Variants in MEI1 observed in about 807,000 individuals in gnomAD.
MEI1 encodes the protein meiotic double-stranded break formation protein 1.
A neutral mutation model predicts 146.2 loss-of-function variants in MEI1; 103 were observed. The ratio of observed to expected loss-of-function variants is 0.70; its 90% CI spans 0.60 to 0.83. The LOEUF (loss-of-function observed/expected upper bound fraction) is 0.83. Ranked by LOEUF, MEI1 falls within the 40% of genes least tolerant of loss-of-function variation. The pLI is 0.00. For synonymous variants in MEI1, 652 were observed against 628.2 expected (o/e 1.04, Z -0.57); for missense variants, 1,529 against 1,533.0 (o/e 1.00, Z 0.04).
At chr22:41,726,200 A>G (rs2071340233) in intron 7 of MEI1, among the ~76,000 whole-genome samples, 1 of 152,054 alleles carries the variant, frequency 6.6e-6, no homozygotes, top group Non-Finnish European at 1.5e-5. Flanking sequence ...ATATAGCAAG[A>G]AAAGTTTGTC....
At chr22:41,791,656 T>C (rs2076186965) in intron 26 of MEI1, among the ~76,000 whole-genome samples, 1 of 152,120 alleles carries the variant, frequency 6.6e-6, no homozygotes, top group Non-Finnish European at 1.5e-5. Context: ...ATAGCAAGTG[T>C]TGACAGGAGG....
chr22:41,703,483 G>C (rs897745325), intron 2 of MEI1, 29 bp downstream of exon 2: 1 of 1,533,192 alleles, frequency 6.5e-7, no homozygotes, highest in Non-Finnish European at 8.8e-7. Context: ...TTTGACATGA[G>C]TTTTGAATGT....
At chr22:41,784,835 G>C (rs1441597147) in intron 26 of MEI1, 52 bp downstream of exon 26, 3 of 1,468,864 alleles carry the variant, frequency 2.0e-6, no homozygotes, top group Admixed American at 2.3e-5. Flanking sequence ...CAGCAGGAAG[G>C]GGTGGCTGCC....
rs774484158 is a variant in MEI1 at position 41,781,687 on chromosome 22, G to T, written c.2929G>T (p.Ala977Ser). 1 of 1,613,048 alleles carries T rather than the reference G, an allele frequency of 6.2e-7. No individual in the cohort carries two copies. Among genetic ancestry groups the T allele is most frequent in the Non-Finnish European group, 8.5e-7 (1 of 1,179,712 alleles). ...QTTPSSQKRA[A>S]AVLLSSTGLM... ...CCTGCCTTGCCCACCCCCGACAGCT[G>T]CTGCAGTGCTCCTGAGCAGCACAGG... The change falls in exon 24 of 31, where the codon GCT (alanine) becomes TCT (serine). Residue 977 changes from alanine to serine, a missense_variant and splice_region_variant. Ala to Ser is a moderately conservative substitution (Grantham distance 99, BLOSUM62 1). Transcript: ENST00000401548.
At chr22:41,752,496 C>A in intron 15 of MEI1, 95 bp from the exon 16 acceptor site, 1 of 1,164,572 alleles carries the variant, frequency 8.6e-7, no homozygotes, top group Non-Finnish European at 1.3e-6. Context: ...CTGTGTAACT[C>A]TGAAACCAGA....
At chr22:41,776,894 A>T (rs754854357) in intron 21 of MEI1, among the ~76,000 whole-genome samples, 5 of 151,958 alleles carry the variant, frequency 3.3e-5, no homozygotes, top group Non-Finnish European at 5.9e-5. Context: ...GCTCACTGCA[A>T]CCTCTACTTT....
chr22:41,755,182 G>T (rs1322575141), intron 17 of MEI1, among the ~76,000 whole-genome samples: 3 of 152,170 alleles, frequency 2.0e-5, no homozygotes, highest in Non-Finnish European at 2.9e-5. Flanking sequence ...CTCTATCTTA[G>T]ACCTGTCTCC....
intron 11 of MEI1, among the ~76,000 whole-genome samples, chr22:41,739,877 T>A (rs190291135): frequency 1.3e-5 from 2 of 152,108 alleles, no homozygotes; most frequent in East Asian, 3.9e-4. Flanking sequence ...GGTTCGAGAG[T>A]ATAGAGATTG....
chr22:41,764,961 CTAA>C (rs1330226537), intron 19 of MEI1, among the ~76,000 whole-genome samples: 1 of 151,834 alleles, frequency 6.6e-6, no homozygotes, highest in Non-Finnish European at 1.5e-5. Flanking sequence ...TTTCAGAATA[CTAA>C]TAATGTTCAT....
At chr22:41,780,042 G>T (rs1246615134) in intron 22 of MEI1, among the ~76,000 whole-genome samples, 1 of 151,984 alleles carries the variant, frequency 6.6e-6, no homozygotes, top group Non-Finnish European at 1.5e-5. Flanking sequence ...TTCAAAAAAA[G>T]GCCACTGGGG....
rs770819314 is a variant in MEI1, at chr22:41,778,782, G to A, written c.2785G>A (p.Asp929Asn). 7.5e-6 allele frequency: 12 copies of A among 1,607,682 alleles called. No individual in the cohort carries two copies. In the South Asian group the frequency reaches 1.3e-4, roughly 18 times the overall value. Residue 929 changes from aspartate (D) to asparagine (N), a missense_variant, in exon 22 of 31, where the codon GAC (aspartate) becomes AAC (asparagine). Around this residue, in one of 3 missense-constraint regions of MEI1, gnomAD observed 1,212 missense variants for 1,178.9 expected, o/e 1.03. Coordinates refer to ENST00000401548, the MANE Select transcript of MEI1 (RefSeq NM_152513.4). ...QLRNVSEQELDSVAMKLLHQV... is the reference protein window; with the variant it reads ...QLRNVSEQELNSVAMKLLHQV... ...CAGGAATGTGTCAGAGCAAGAACTG[G>A]ACAGCGTGGCCATGAAGCTCCTTCA... is the stretch of plus-strand genomic sequence containing the variant.
intron 18 of MEI1, among the ~76,000 whole-genome samples, chr22:41,759,820 G>A (rs909739118): frequency 6.6e-6 from 1 of 151,364 alleles, no homozygotes; most frequent in African/African-American, 2.4e-5. Context: ...CAGAGTGAGT[G>A]AGACTCCATC....
chr22:41,766,980 G>C (rs527497646), intron 19 of MEI1, among the ~76,000 whole-genome samples: 9 of 152,328 alleles, frequency 5.9e-5, no homozygotes, highest in Non-Finnish European at 1.0e-4. Flanking sequence ...TGGAGGCAGG[G>C]AAGCTCTTTG....
chr22:41,729,853 C>G, intron 8 of MEI1, 74 bp downstream of exon 8: 2 of 907,982 alleles, frequency 2.2e-6, no homozygotes, highest in African/African-American at 1.7e-5. Flanking sequence ...TTGTGTATGA[C>G]AGACCCTATG....
In MEI1 at chr22:41,781,365, A is replaced by G; in HGVS notation, c.2897A>G (p.His966Arg). 2 of 1,613,506 alleles carry G rather than the reference A, an allele frequency of 1.2e-6. No homozygotes were observed. The highest frequency in any genetic ancestry group is 1.7e-6 in the Non-Finnish European group (2 of 1,179,752). The change falls in exon 23 of 31, where the codon CAT becomes CGT. Residue 966 changes from histidine to arginine, a missense_variant. Coordinates refer to ENST00000401548, the MANE Select transcript of MEI1 (RefSeq NM_152513.4). ...TTCAACTTCCTGTATTGGAGCCTTC[A>G]TCAGACCACACCCAGCAGTCAGAAA... ...PSFNFLYWSL[H>R]QTTPSSQKRA...
In MEI1 at chr22:41,729,730, C is replaced by T; in HGVS notation, c.930C>T (p.Val310=). ...CTCACTGTATAACTGCGGTGCTTGT[C>T]CACTCCCCAGCAAAGCATGCGTCAG... ...ASAHCITAVL[V]HSPAKHASAF... The change falls in exon 8 of 31, where the codon GTC becomes GTT. Residue 310 remains valine (V), a synonymous_variant. Transcript: ENST00000401548. 6.2e-7 allele frequency: 1 copy of T among 1,612,118 alleles called. No individual in the cohort carries two copies. The highest frequency in any genetic ancestry group is 8.5e-7 in the Non-Finnish European group (1 of 1,179,256).
intron 6 of MEI1, among the ~76,000 whole-genome samples, chr22:41,719,174 G>A (rs2070504839): frequency 6.6e-6 from 1 of 151,860 alleles, no homozygotes; most frequent in African/African-American, 2.4e-5. Context: ...AGGAGAGACG[G>A]GGTTTCACCG....
intron 26 of MEI1, 80 bp downstream of exon 26, chr22:41,784,863 T>C: frequency 1.7e-6 from 2 of 1,147,732 alleles, no homozygotes; most frequent in Non-Finnish European, 2.3e-6. Flanking sequence ...AGCCTGATAC[T>C]CCTACCAGGG....
In MEI1 at chr22:41,716,190, T is replaced by C. The variant is rs375257025; in HGVS notation, c.529+44T>C. On this transcript the variant is annotated intron_variant, in intron 5 of 30. Coordinates refer to ENST00000401548, the MANE Select transcript of MEI1 (RefSeq NM_152513.4). ...GAGCTGCCACTACCCTTTTACCTGCTTTTATCATACTGCCATTTGGGTGTC... is the reference window on the plus strand; with the variant it reads ...GAGCTGCCACTACCCTTTTACCTGCCTTTATCATACTGCCATTTGGGTGTC... 4 of 1,352,902 alleles carry C rather than the reference T, an allele frequency of 3.0e-6. No homozygotes were observed. The African/African-American group carries it at 5.7e-5, about 19-fold the overall frequency. The allele number at this position is 1,352,902 out of a possible 1,614,324, so 83.8% of individuals were successfully genotyped here.
Sources: gnomAD v4.1 joint callset for allele counts (sites outside exome capture counted in the v4.1 genomes callset) on GRCh38, gnomAD v4.1.1 for gene constraint, gnomAD v4.1.1 regional missense constraint, MANE v1.5 for transcripts, NCBI Gene and HGNC (gene_info 2026-07-23, HGNC 2026-07-21) for gene names.